MACROD2: variants seen among roughly 807,000 people sequenced by gnomAD.
The protein encoded by MACROD2 is mono-ADP ribosylhydrolase 2.
Under a neutral mutation model 70.4 loss-of-function variants are expected in MACROD2, and 36 were observed. That is an observed-to-expected ratio of 0.51 (90% CI 0.39 to 0.68). The LOEUF (loss-of-function observed/expected upper bound fraction) is 0.68, where lower values mean the gene tolerates loss of function less well. MACROD2 is among the 30% of genes least tolerant of loss of function. The probability of loss-of-function intolerance (pLI) is 0.00; values close to 1 mark genes in which losing one functional copy is unlikely to be tolerated. For missense variants in MACROD2, 496 were observed against 538.4 expected, an observed-to-expected ratio of 0.92 and a Z score of 0.78; for synonymous variants, 172 against 178.8, an observed-to-expected ratio of 0.96 and a Z score of 0.30.
chr20:14,254,390 T>C (rs2082036619), intron 3 of MACROD2, among the ~76,000 whole-genome samples: 1 of 151,630 alleles, frequency 6.6e-6, no homozygotes, highest in Admixed American at 6.6e-5. Flanking sequence ...AATAATTTAG[T>C]GAAAAAAAAG....
At chr20:15,854,092 G>A (rs2064330392) in intron 8 of MACROD2, among the ~76,000 whole-genome samples, 1 of 152,144 alleles carries the variant, frequency 6.6e-6, no homozygotes, top group South Asian at 2.1e-4. Flanking sequence ...CCTTCAGGGT[G>A]CGTAGAACCT....
intron 8 of MACROD2, among the ~76,000 whole-genome samples, chr20:15,530,019 C>T (rs1044932451): frequency 6.6e-6 from 1 of 152,116 alleles, no homozygotes; most frequent in Non-Finnish European, 1.5e-5. Flanking sequence ...GAAAATAAGA[C>T]AGTAAATAAA....
rs1251084929 is a variant in MACROD2, at chr20:15,026,116, G to C, written c.419-203824G>C. On this transcript the variant is annotated intron_variant, in intron 5 of 17. Transcript: ENST00000684519. ...AGACTAGTATTTCCCAGTCTTCAGG[G>C]GGGAACATTAATTAGTTCTCTGAAA... Among the ~76,000 whole-genome samples, 3 of 152,084 alleles carry C rather than the reference G, an allele frequency of 2.0e-5. No homozygotes were observed. The East Asian group carries it at 5.8e-4, about 29-fold the overall frequency.
chr20:15,071,068 C>G (rs1213492872), intron 5 of MACROD2, among the ~76,000 whole-genome samples: 1 of 152,066 alleles, frequency 6.6e-6, no homozygotes, highest in Admixed American at 6.6e-5. Context: ...GGCTTTGGCT[C>G]TATTTTGAAT....
At chr20:14,191,388 C>T (rs554112446) in intron 3 of MACROD2, among the ~76,000 whole-genome samples, 100 of 152,156 alleles carry the variant, frequency 6.6e-4, no homozygotes, top group Non-Finnish European at 1.3e-3. Context: ...AAAATGCAAA[C>T]AATTCCCAAA....
At chr20:15,481,229 G>A (rs888448632) in intron 7 of MACROD2, among the ~76,000 whole-genome samples, 1 of 152,186 alleles carries the variant, frequency 6.6e-6, no homozygotes, top group Non-Finnish European at 1.5e-5. Flanking sequence ...TATGGTCTGG[G>A]TTTATCTGCA....
At chr20:15,589,475 A>G (rs892066132) in intron 8 of MACROD2, among the ~76,000 whole-genome samples, 6 of 152,196 alleles carry the variant, frequency 3.9e-5, no homozygotes, top group South Asian at 2.1e-4. Context: ...CTCATTATCA[A>G]TATTTCCACC....
chr20:15,903,872 G>A (rs1171640678), intron 10 of MACROD2, among the ~76,000 whole-genome samples: 1 of 152,182 alleles, frequency 6.6e-6, no homozygotes, highest in Non-Finnish European at 1.5e-5. Context: ...AAGTAGCAGC[G>A]AAAGGCAGGA....
intron 8 of MACROD2, among the ~76,000 whole-genome samples, chr20:15,572,986 A>G (rs1169514069): frequency 6.6e-6 from 1 of 152,208 alleles, no homozygotes; most frequent in Non-Finnish European, 1.5e-5. Context: ...CAATAAATTG[A>G]AAAGTGCCAG....
At chr20:14,251,487 C>G (rs567846849) in intron 3 of MACROD2, among the ~76,000 whole-genome samples, 5 of 152,020 alleles carry the variant, frequency 3.3e-5, no homozygotes, top group African/African-American at 1.2e-4. Flanking sequence ...ATATTTTACT[C>G]AAATAAGACA....
At chr20:14,829,175 G>C (rs1448691906) in intron 5 of MACROD2, among the ~76,000 whole-genome samples, 2 of 146,768 alleles carry the variant, frequency 1.4e-5, no homozygotes, top group Admixed American at 1.4e-4. Context: ...TGTCGCCCAG[G>C]CTGGAGTACA....
At chr20:14,967,529 A>G (rs576048824) in intron 5 of MACROD2, among the ~76,000 whole-genome samples, 29 of 152,200 alleles carry the variant, frequency 1.9e-4, no homozygotes, top group African/African-American at 6.7e-4. Context: ...CCATCATCAG[A>G]TATAGACTGT....
chr20:15,278,380 C>T (rs184372955), intron 6 of MACROD2, among the ~76,000 whole-genome samples: 1 of 152,258 alleles, frequency 6.6e-6, no homozygotes, highest in East Asian at 1.9e-4. Context: ...CCTGTCTTGA[C>T]AGATCAGATA....
intron 6 of MACROD2, among the ~76,000 whole-genome samples, chr20:15,276,596 G>A (rs1021163219): frequency 2.6e-5 from 4 of 151,674 alleles, no homozygotes; most frequent in Admixed American, 1.3e-4. Context: ...ACGAAAATAC[G>A]GGGCCCTTTC....
intron 4 of MACROD2, among the ~76,000 whole-genome samples, chr20:14,531,139 T>C (rs1177361917): frequency 6.6e-6 from 1 of 152,142 alleles, no homozygotes. Context: ...TTGTCAAAAA[T>C]TGAGGCAGGT....
intron 2 of MACROD2, among the ~76,000 whole-genome samples, chr20:14,028,649 C>G (rs753757632): frequency 5.3e-5 from 8 of 152,128 alleles, no homozygotes; most frequent in Admixed American, 5.2e-4. Context: ...GGCACAGTCC[C>G]TCATGGCTTC....
intron 5 of MACROD2, among the ~76,000 whole-genome samples, chr20:15,113,915 G>T (rs1166535586): frequency 1.3e-5 from 2 of 152,104 alleles, no homozygotes; most frequent in African/African-American, 4.8e-5. Context: ...TCCATTTGGA[G>T]ATCTTTCCTC....
rs560369064 is a variant in MACROD2 at position 15,402,431 on chromosome 20, A to G, written c.541-28974A>G. The stretch of plus-strand genomic sequence containing the variant: ...GAGAACTATAAATATTTTAAATAAT[A>G]AAATTGTGAAAAATTTCTCTACTAA... On this transcript the variant is annotated intron_variant, in intron 6 of 17. Coordinates refer to ENST00000684519, the MANE Select transcript of MACROD2 (RefSeq NM_001351661.2). Among the ~76,000 whole-genome samples the G allele has an allele frequency of 8.5e-5, 13 of 152,356 alleles. 1 individual carries two copies. In the South Asian group the frequency reaches 2.5e-3, roughly 29 times the overall value.
intron 8 of MACROD2, among the ~76,000 whole-genome samples, chr20:15,803,226 A>G (rs1390961944): frequency 1.3e-5 from 2 of 152,120 alleles, no homozygotes; most frequent in African/African-American, 2.4e-5. Flanking sequence ...AATACAGGCC[A>G]ATATCCCTGA....
Sources: allele counts gnomAD v4.1 joint callset (sites outside exome capture counted in the v4.1 genomes callset), GRCh38; gene constraint gnomAD v4.1.1; transcripts MANE v1.5; gene names NCBI Gene and HGNC (gene_info 2026-07-23, HGNC 2026-07-21).